Variants in SNX29 observed in about 807,000 individuals in gnomAD.
SNX29 encodes sorting nexin 29.
A neutral mutation model predicts 102.1 loss-of-function variants in SNX29; 78 were observed. That is an observed-to-expected ratio of 0.76 (90% CI 0.64 to 0.92). The LOEUF is 0.92. Ranked by LOEUF, SNX29 falls within the 40% of genes least tolerant of loss-of-function variation. The pLI, the probability that SNX29 is intolerant of heterozygous loss-of-function variation, is 0.00. For missense variants in SNX29, 1,280 were observed against 1,061.7 expected (o/e 1.21, Z -2.86); for synonymous variants, 580 against 414.5 (o/e 1.40, Z -4.85).
chr16:12,318,266 C>T (rs1327261507), intron 15 of SNX29, among the ~76,000 whole-genome samples: 3 of 152,228 alleles, frequency 2.0e-5, no homozygotes, highest in Non-Finnish European at 2.9e-5. Flanking sequence ...TTTGTTGAAC[C>T]GTAAGCAGCA....
intron 18 of SNX29, among the ~76,000 whole-genome samples, chr16:12,467,039 A>G (rs2087086708): frequency 1.3e-5 from 2 of 152,176 alleles, no homozygotes; most frequent in Admixed American, 1.3e-4. Flanking sequence ...CTAGGTGTGA[A>G]GGAAAAGGCA....
At chr16:12,328,163 C>T (rs997097527) in intron 15 of SNX29, among the ~76,000 whole-genome samples, 3 of 152,190 alleles carry the variant, frequency 2.0e-5, no homozygotes, top group Admixed American at 6.5e-5. Flanking sequence ...ACGTTTGGCA[C>T]AGTGCCTCCC....
chr16:12,416,787 A>G (rs975276430), intron 18 of SNX29, among the ~76,000 whole-genome samples: 1 of 152,138 alleles, frequency 6.6e-6, no homozygotes, highest in Non-Finnish European at 1.5e-5. Flanking sequence ...CCTCACATGG[A>G]CTAACAGAAC....
chr16:11,979,861 T>A (rs898151519), intron 1 of SNX29, among the ~76,000 whole-genome samples: 4 of 152,074 alleles, frequency 2.6e-5, no homozygotes, highest in African/African-American at 9.7e-5. Flanking sequence ...GATCCACTTG[T>A]GAACTCCTGG....
intron 3 of SNX29, among the ~76,000 whole-genome samples, chr16:12,020,481 T>G (rs1057181436): frequency 8.6e-5 from 13 of 150,586 alleles, no homozygotes; most frequent in African/African-American, 3.2e-4. Context: ...GGATTGCAGG[T>G]GTGAGCAACT....
chr16:12,458,069 C>G (rs940715693), intron 18 of SNX29, among the ~76,000 whole-genome samples: 1 of 152,108 alleles, frequency 6.6e-6, no homozygotes. Flanking sequence ...GATTAAAGAC[C>G]ATAAGCACAG....
At chr16:12,538,491 CTA>C (rs1475965452) in intron 20 of SNX29, among the ~76,000 whole-genome samples, 1 of 152,154 alleles carries the variant, frequency 6.6e-6, no homozygotes, top group South Asian at 2.1e-4. Context: ...TAACATACAT[CTA>C]TGATACTTTG....
At chr16:12,442,886 C>T (rs2085873543) in intron 18 of SNX29, 4 of 403,504 alleles carry the variant, frequency 9.9e-6, no homozygotes, top group South Asian at 1.9e-5. Context: ...AGCCACCATA[C>T]CTGGCTGTGT....
chr16:12,449,444 A>G (rs141630077), intron 18 of SNX29, among the ~76,000 whole-genome samples: 47 of 152,268 alleles, frequency 3.1e-4, no homozygotes, highest in South Asian at 6.2e-4. Flanking sequence ...AGTGCAAAGC[A>G]GGTAATGATG....
chr16:12,297,488 C>G lies in SNX29; in HGVS notation c.1782+19452C>G, dbSNP rs181635791. ...CTCGGTGTGTGTATTCACTTCTCTC[C>G]TCCTCCGCATCCCTGGCTTCCTTCC... On this transcript the variant is annotated intron_variant, in intron 15 of 20. Coordinates refer to ENST00000566228, the MANE Select transcript of SNX29 (RefSeq NM_032167.5). Among the ~76,000 whole-genome samples the G allele has an allele frequency of 1.2e-3, 186 of 152,134 alleles. 2 individuals carry two copies. Among genetic ancestry groups the G allele is most frequent in the Admixed American group, 0.012 (183 of 15,274 alleles).
intron 18 of SNX29, among the ~76,000 whole-genome samples, chr16:12,441,114 T>TG (rs2085784941): frequency 2.3e-5 from 3 of 133,068 alleles, no homozygotes; most frequent in African/African-American, 6.0e-5. Flanking sequence ...TTTTTTGTGA[T>TG]GGAGTTTCTG....
intron 17 of SNX29, among the ~76,000 whole-genome samples, chr16:12,399,942 C>G (rs1458101593): frequency 2.6e-5 from 4 of 152,088 alleles, no homozygotes; most frequent in African/African-American, 4.8e-5. Context: ...GAGTCCCAGA[C>G]ACGAGGCTGG....
Position 12,076,580 on chromosome 16 carries a change from G to T in SNX29, c.1320-2253G>T, listed in dbSNP as rs1198495966. Among the ~76,000 whole-genome samples, 3 of 152,282 alleles carry T rather than the reference G, an allele frequency of 2.0e-5. No individual in the cohort carries two copies. In the East Asian group the frequency reaches 5.8e-4, roughly 29 times the overall value. On this transcript the variant is annotated intron_variant, in intron 10 of 20. Coordinates refer to ENST00000566228, the MANE Select transcript of SNX29 (RefSeq NM_032167.5). Reference sequence around the variant, plus strand: ...GCCTCCCAAAGTGCTGGGATTCCAGGCGTGAGCCACCACGCCCAGCCTGGT... The same window carrying T: ...GCCTCCCAAAGTGCTGGGATTCCAGTCGTGAGCCACCACGCCCAGCCTGGT...
At chr16:12,019,494 C>G (rs554977408) in intron 3 of SNX29, among the ~76,000 whole-genome samples, 1 of 151,578 alleles carries the variant, frequency 6.6e-6, no homozygotes, top group Non-Finnish European at 1.5e-5. Flanking sequence ...AGTGAGCCAC[C>G]GCGCCTGGCA....
intron 16 of SNX29, among the ~76,000 whole-genome samples, chr16:12,394,100 C>A (rs547300981): frequency 6.6e-6 from 1 of 152,220 alleles, no homozygotes; most frequent in Non-Finnish European, 1.5e-5. Flanking sequence ...AGTCTTCCTG[C>A]AGCAGCAACA....
intron 1 of SNX29, among the ~76,000 whole-genome samples, chr16:11,998,035 G>A (rs2056152297): frequency 2.0e-5 from 3 of 152,190 alleles, no homozygotes; most frequent in Admixed American, 2.0e-4. Context: ...CATGTAGGAT[G>A]CGCCCAGCAC....
chr16:12,220,434 C>T (rs1276699319), intron 14 of SNX29, among the ~76,000 whole-genome samples: 1 of 152,008 alleles, frequency 6.6e-6, no homozygotes, highest in Non-Finnish European at 1.5e-5. Flanking sequence ...GAGAGATGAA[C>T]TGGAGAGACA....
In SNX29 at chr16:12,562,988, GAAA is replaced by G. The variant is rs1249406004; in HGVS notation, c.2319-5515_2319-5513del. Among the ~76,000 whole-genome samples, 1,003 of 131,282 alleles carry G rather than the reference GAAA, an allele frequency of 7.6e-3. 12 individuals carry two copies. The highest frequency in any genetic ancestry group is 0.029 in the African/African-American group (953 of 33,354). 86.1% of individuals were successfully genotyped at this position (131,282 alleles called of 152,430 possible). A position where few individuals can be genotyped will look rare whatever the true frequency, so the allele number is the denominator to read the frequency against. ...ACAAGGGGTGAGGGCTGATGCGTAA[GAAA>G]AACTGCTTCAATGCGCCTTTCAAAC... On this transcript the variant is annotated intron_variant, in intron 20 of 20. Transcript: ENST00000566228.
At chr16:12,426,096 TA>T (rs111310926) in intron 18 of SNX29, among the ~76,000 whole-genome samples, 35 of 151,588 alleles carry the variant, frequency 2.3e-4, no homozygotes, top group African/African-American at 8.2e-4. Flanking sequence ...TTTTTTTTTT[TA>T]AAAAGATACA....
Sources: gnomAD v4.1 joint callset for allele counts (sites outside exome capture counted in the v4.1 genomes callset) on GRCh38, gnomAD v4.1.1 for gene constraint, MANE v1.5 for transcripts, NCBI Gene and HGNC (gene_info 2026-07-23, HGNC 2026-07-21) for gene names.